ZFP69: variants seen among roughly 807,000 people sequenced by gnomAD.
ZFP69 encodes ZFP69 zinc finger protein, also known as zinc finger protein 69 homolog.
A neutral mutation model predicts 48.9 loss-of-function variants in ZFP69; 35 were observed. The ratio of observed to expected loss-of-function variants is 0.72; its 90% CI spans 0.55 to 0.95. The LOEUF is 0.95. Among genes scored for constraint, ZFP69 ranks in the 40% least tolerant of loss-of-function variants. The pLI is 0.00. For missense variants in ZFP69, 557 were observed against 638.4 expected (o/e 0.87, Z 1.37); for synonymous variants, 193 against 216.8 (o/e 0.89, Z 0.96).
At chr1:40,494,822 T>C (rs912064741) in intron 5 of ZFP69, 99 bp from the exon 6 acceptor site, 3 of 1,035,602 alleles carry the variant, frequency 2.9e-6, no homozygotes, top group Non-Finnish European at 2.7e-6. Flanking sequence ...TATTTAAATA[T>C]AGTCAAAATC....
chr1:40,494,834 C>A (rs1477669180), intron 5 of ZFP69, 87 bp from the exon 6 acceptor site: 1 of 1,174,646 alleles, frequency 8.5e-7, no homozygotes, highest in Non-Finnish European at 1.2e-6. Context: ...GTCAAAATCT[C>A]ATGCACTTAT....
At chr1:40,481,963 C>G in intron 3 of ZFP69, 109 bp downstream of exon 3, 1 of 695,652 alleles carries the variant, frequency 1.4e-6, no homozygotes, top group East Asian at 2.8e-5. Context: ...GGTATTAAGA[C>G]TAACAAATTC....
intron 2 of ZFP69, 123 bp from the exon 3 acceptor site, chr1:40,481,640 C>A: frequency 1.5e-6 from 1 of 681,214 alleles, no homozygotes; most frequent in Non-Finnish European, 2.4e-6. Flanking sequence ...TCTTGAGTCA[C>A]TCTCAGTGTC....
chr1:40,495,779 C>T lies in ZFP69; in HGVS notation c.1301C>T (p.Thr434Ile), dbSNP rs765054547. ...AYLTHHQRIH[T>I]GERPYKCKEC... ...CTAACACATCACCAGAGAATCCATA[C>T]TGGGGAGAGACCCTACAAATGTAAA... Residue 434 changes from threonine (T) to isoleucine (I), a missense_variant, in exon 6 of 6, where the codon ACT (threonine) becomes ATT (isoleucine). Coordinates refer to ENST00000372706, the MANE Select transcript of ZFP69 (RefSeq NM_001320179.2). The T allele has an allele frequency of 9.9e-6, 16 of 1,614,086 alleles. No individual in the cohort carries two copies. In the Admixed American group the frequency reaches 1.2e-4, roughly 12 times the overall value.
At chr1:40,487,216 C>T (rs988146316) in intron 3 of ZFP69, among the ~76,000 whole-genome samples, 1 of 152,158 alleles carries the variant, frequency 6.6e-6, no homozygotes, top group African/African-American at 2.4e-5. Context: ...AGCCACTGCG[C>T]CCGGCCTACA....
At chr1:40,485,988 C>T (rs1265030830) in intron 3 of ZFP69, among the ~76,000 whole-genome samples, 3 of 152,200 alleles carry the variant, frequency 2.0e-5, no homozygotes, top group African/African-American at 4.8e-5. Flanking sequence ...ACTGCAACCT[C>T]CACCTCCTGG....
At chr1:40,481,889 C>T in intron 3 of ZFP69, 35 bp downstream of exon 3, 1 of 1,536,004 alleles carries the variant, frequency 6.5e-7, no homozygotes, top group Non-Finnish European at 9.0e-7. Flanking sequence ...CTTGACATTG[C>T]TTCTCCTGTT....
intron 5 of ZFP69, among the ~76,000 whole-genome samples, chr1:40,492,299 T>G (rs1474400500): frequency 5.3e-5 from 8 of 152,178 alleles, no homozygotes; most frequent in Non-Finnish European, 1.2e-4. Flanking sequence ...ATAAATAAAT[T>G]TGTATGTATG....
chr1:40,478,844 A>G (rs1406415241), intron 1 of ZFP69, among the ~76,000 whole-genome samples, 192 bp from the exon 2 acceptor site: 1 of 152,180 alleles, frequency 6.6e-6, no homozygotes, highest in East Asian at 1.9e-4. Context: ...GTCTGTGTCC[A>G]GGCAGAAGAT....
Position 40,496,176 on chromosome 1 carries a change from C to T in ZFP69, c.*117C>T, listed in dbSNP as rs1645633878. ...GTAATGATGCCAACTTTTAATTTTT[C>T]CCATTGTAAATAAACATTACATTGA... On this transcript the variant is annotated 3_prime_UTR_variant, in exon 6 of 6. Transcript: ENST00000372706. 3 of 1,103,666 alleles carry T rather than the reference C, an allele frequency of 2.7e-6. No individual in the cohort carries two copies. The Admixed American group carries it at 8.0e-5, about 29-fold the overall frequency. The allele number at this position is 1,103,666 out of a possible 1,614,324, so 68.4% of individuals were successfully genotyped here.
At chr1:40,491,270 A>G (rs1396894070) in intron 5 of ZFP69, 2 of 152,214 alleles carry the variant, frequency 1.3e-5, no homozygotes, top group African/African-American at 4.8e-5. Flanking sequence ...TCCTGTTGAT[A>G]GACATTTACA....
Position 40,489,131 on chromosome 1 carries a change from A to G in ZFP69, c.263A>G (p.Glu88Gly). 2 of 1,613,964 alleles carry G rather than the reference A, an allele frequency of 1.2e-6. No homozygotes were observed. Among genetic ancestry groups the G allele is most frequent in the Non-Finnish European group, 1.7e-6 (2 of 1,179,996 alleles). Reference sequence around the variant, plus strand: ...GACATATCTATTGACTTCACCCAGGAAGAGTGGGGGCAGCTGGCTCCTGCT... The same window carrying G: ...GACATATCTATTGACTTCACCCAGGGAGAGTGGGGGCAGCTGGCTCCTGCT... The part of the protein sequence containing the change: ...FKDISIDFTQ[E>G]EWGQLAPAHQ... Residue 88 changes from glutamate to glycine, a missense_variant, in exon 4 of 6, where the codon GAA becomes GGA. Glu to Gly is a moderately conservative substitution (Grantham distance 98). Transcript: ENST00000372706.
rs1353584483 is a variant in ZFP69 at position 40,486,369 on chromosome 1, TCTCCCTCCCTGCTTCCCTTC to T, written c.220-2712_220-2693del. ...TATTCCCTCTTCTGAGATTGCTCTT[TCTCCCTCCCTGCTTCCCTTC>T]CTCCCTTCCTCCCTCCTTTCCTCCC... On this transcript the variant is annotated intron_variant, in intron 3 of 5. Coordinates refer to ENST00000372706, the MANE Select transcript of ZFP69 (RefSeq NM_001320179.2). 4.6e-5 allele frequency among the ~76,000 whole-genome samples: 7 copies of T among 152,004 alleles called. No homozygotes were observed. In the South Asian group the frequency reaches 6.2e-4, roughly 14 times the overall value.
chr1:40,494,611 A>G (rs993700988), intron 5 of ZFP69, among the ~76,000 whole-genome samples: 9 of 139,922 alleles, frequency 6.4e-5, no homozygotes, highest in Middle Eastern at 3.7e-3. Context: ...ATATTTATAA[A>G]TATTTTATAT....
chr1:40,484,017 A>C (rs1242694538), intron 3 of ZFP69, among the ~76,000 whole-genome samples: 1 of 152,056 alleles, frequency 6.6e-6, no homozygotes, highest in Non-Finnish European at 1.5e-5. Context: ...CGGAGGTTGC[A>C]TGAGCCGAGA....
chr1:40,481,894 C>T, intron 3 of ZFP69, 40 bp downstream of exon 3: 4 of 1,523,334 alleles, frequency 2.6e-6, no homozygotes, highest in South Asian at 1.1e-5. Context: ...CATTGCTTCT[C>T]CTGTTTTTAG....
chr1:40,496,047 A>C lies in ZFP69; in HGVS notation c.1569A>C (p.Arg523=), dbSNP rs1263468975. The C allele has an allele frequency of 4.4e-6, 7 of 1,582,986 alleles. No homozygotes were observed. Among genetic ancestry groups the C allele is most frequent in the Non-Finnish European group, 6.0e-6 (7 of 1,166,542 alleles). ...AAATACACAGGAGGAACGCCTTCCGAAATAAGGTGTAAAAACAGATATTTG... is the reference window on the plus strand; with the variant it reads ...AAATACACAGGAGGAACGCCTTCCGCAATAAGGTGTAAAAACAGATATTTG... ...HHEIHRRNAF[R]NKV is the part of the protein sequence containing the mutation. The change falls in exon 6 of 6, where the codon CGA becomes CGC. Residue 523 remains arginine (R), a synonymous_variant. Transcript: ENST00000372706.
chr1:40,486,265 T>G (rs1206343649), intron 3 of ZFP69, among the ~76,000 whole-genome samples: 1 of 152,020 alleles, frequency 6.6e-6, no homozygotes, highest in African/African-American at 2.4e-5. Flanking sequence ...TTGCTGAGCT[T>G]CTTGGATCTG....
intron 5 of ZFP69, among the ~76,000 whole-genome samples, chr1:40,491,963 A>T (rs1330532123): frequency 6.6e-6 from 1 of 152,094 alleles, no homozygotes; most frequent in Non-Finnish European, 1.5e-5. Context: ...TGAATTTATC[A>T]GGATTTTCTT....
Sources: gnomAD v4.1 joint callset for allele counts (sites outside exome capture counted in the v4.1 genomes callset) on GRCh38, gnomAD v4.1.1 for gene constraint, MANE v1.5 for transcripts, NCBI Gene and HGNC (gene_info 2026-07-23, HGNC 2026-07-21) for gene names.